Variants in ARHGEF40 observed in about 807,000 individuals in gnomAD.
ARHGEF40 encodes the protein Rho guanine nucleotide exchange factor 40, also known as Rho guanine nucleotide exchange factor (GEF) 40.
In ARHGEF40, 98 loss-of-function variants were observed where a neutral mutation model predicts 165.9. That is an observed-to-expected ratio of 0.59 (90% confidence interval 0.50 to 0.70). The LOEUF (loss-of-function observed/expected upper bound fraction) is 0.70, where lower values mean the gene tolerates loss of function less well. ARHGEF40 is among the 30% of genes least tolerant of loss of function. ARHGEF40 has a pLI of 0.00. For synonymous variants in ARHGEF40, 792 were observed against 814.3 expected (o/e 0.97, Z 0.47); for missense variants, 1,815 against 1,968.0 (o/e 0.92, Z 1.47).
At position 21,076,682 on chromosome 14, in the gene ARHGEF40, G is replaced by C. The variant is rs929482797; in HGVS notation, c.1917+39G>C. On this transcript the variant is annotated intron_variant, in intron 7 of 23. Coordinates refer to ENST00000298694, the MANE Select transcript of ARHGEF40 (RefSeq NM_018071.5). Reference sequence around the variant, plus strand: ...ATTCCCATCTAGTTTCCCATCAGTAGTGGGGAGAGGAGAAGAGGCTGGCTG... The same window carrying C: ...ATTCCCATCTAGTTTCCCATCAGTACTGGGGAGAGGAGAAGAGGCTGGCTG... 4 of 1,508,908 alleles carry C rather than the reference G, an allele frequency of 2.7e-6. No individual in the cohort carries two copies. In the Admixed American group the frequency reaches 5.3e-5, roughly 20 times the overall value. The allele number at this position is 1,508,908 out of a possible 1,614,324, so 93.5% of individuals were successfully genotyped here.
chr14:21,076,720 G>A (rs545554945), intron 7 of ARHGEF40, 54 bp from the exon 8 acceptor site: 7 of 1,609,058 alleles, frequency 4.4e-6, no homozygotes, highest in Non-Finnish European at 6.0e-6. Context: ...GCCCCAGGCT[G>A]GTTTCTGAGT....
Position 21,084,908 on chromosome 14 carries a change from C to G in ARHGEF40, c.3945C>G (p.Tyr1315Ter). Reference sequence around the variant, plus strand: ...AAGGGGGGTCAGAGATGTTTGTTTACAAGCAGGCCTTTAAGGTACGATTCC... The same window carrying G: ...AAGGGGGGTCAGAGATGTTTGTTTAGAAGCAGGCCTTTAAGGTACGATTCC... ...GPEGGSEMFV[Y>*]KQAFKTADMG... Residue 1315 changes from tyrosine to a stop codon, truncating the protein, a stop_gained, in exon 18 of 24, where the codon TAC becomes TAG. Coordinates refer to ENST00000298694, the MANE Select transcript of ARHGEF40 (RefSeq NM_018071.5). LOFTEE classifies it high-confidence loss of function. 2 of 1,613,938 alleles carry G rather than the reference C, an allele frequency of 1.2e-6. No homozygotes were observed. The highest frequency in any genetic ancestry group is 1.7e-6 in the Non-Finnish European group (2 of 1,179,962).
At position 21,082,020 on chromosome 14, in the gene ARHGEF40, C is replaced by G. The variant is rs374673268; in HGVS notation, c.3152C>G (p.Thr1051Arg). Residue 1051 changes from threonine (T) to arginine (R), a missense_variant, in exon 14 of 24, where the codon ACG becomes AGG. Physicochemically the swap from Thr to Arg is moderately conservative, Grantham distance 71. Transcript: ENST00000298694. ...EVTSTEVVDR[T>R]CSPREHVLLG... ...ACCAGCACTGAGGTGGTAGACAGGA[C>G]GTGCTCACCACGGGAACACGTGCTG... 1 of 1,571,018 alleles carries G rather than the reference C, an allele frequency of 6.4e-7. No homozygotes were observed.
At position 21,087,793 on chromosome 14, in the gene ARHGEF40, A is replaced by G. The variant is rs1390919618; in HGVS notation, c.4388-175A>G. 3.5e-6 allele frequency: 3 copies of G among 853,260 alleles called. No homozygotes were observed. In the African/African-American group the frequency reaches 5.1e-5, roughly 14 times the overall value. The allele number at this position is 853,260 out of a possible 1,614,324, so 52.9% of individuals were successfully genotyped here. A position where few individuals can be genotyped will look rare whatever the true frequency, so the allele number is the denominator to read the frequency against. On this transcript the variant is annotated intron_variant, in intron 21 of 23. Coordinates refer to ENST00000298694, the MANE Select transcript of ARHGEF40 (RefSeq NM_018071.5). ...CGCTTCTTCCCTGGTTGCTCTAATG[A>G]TGCTGCTGACAATTTCCTGCCTCTT...
intron 8 of ARHGEF40, among the ~76,000 whole-genome samples, chr14:21,077,944 A>G (rs971301225): frequency 2.0e-5 from 3 of 152,232 alleles, no homozygotes; most frequent in Non-Finnish European, 4.4e-5. Flanking sequence ...AACTGGCATC[A>G]TCTCCTTAAA....
rs1357755971 is a variant in ARHGEF40 at position 21,090,128 on chromosome 14, GAC to G, written c.*1122_*1123del. Reference sequence around the variant, plus strand: ...GGGGACACGACTCTGCAATAGGGATGACAGGAATCGTACCAAAAATAGCGACG... The same window carrying G: ...GGGGACACGACTCTGCAATAGGGATGAGGAATCGTACCAAAAATAGCGACG... On this transcript the variant is annotated 3_prime_UTR_variant, in exon 24 of 24. Transcript: ENST00000298694. The surrounding 1 kb of genome is among the most constrained non-coding windows in gnomAD (Gnocchi z 4.4). 6.7e-6 allele frequency: 3 copies of G among 448,060 alleles called. No individual in the cohort carries two copies. In the East Asian group the frequency reaches 2.0e-4, roughly 29 times the overall value. The allele number at this position is 448,060 out of a possible 1,614,324, so 27.8% of individuals were successfully genotyped here. A position where few individuals can be genotyped will look rare whatever the true frequency, so the allele number is the denominator to read the frequency against.
Position 21,070,449 on chromosome 14 carries a change from C to G in ARHGEF40, c.3+50C>G. On this transcript the variant is annotated intron_variant, in intron 1 of 23. Transcript: ENST00000298694. The surrounding 1 kb of genome is among the most constrained non-coding windows in gnomAD (Gnocchi z 4.7). ...GGGTCCCCTCGGCCTTCGCGCAGCC[C>G]GCTCCGGGCCCCCAAGTCCTCAGCC... 7.4e-7 allele frequency: 1 copy of G among 1,359,950 alleles called. No individual in the cohort carries two copies. Among genetic ancestry groups the G allele is most frequent in the South Asian group, 1.9e-5 (1 of 53,652 alleles). The allele number at this position is 1,359,950 out of a possible 1,614,324, so 84.2% of individuals were successfully genotyped here.
intron 23 of ARHGEF40, 61 bp downstream of exon 23, chr14:21,088,937 C>A: frequency 6.5e-7 from 1 of 1,531,494 alleles, no homozygotes; most frequent in Non-Finnish European, 9.0e-7. Flanking sequence ...CATGTACCTT[C>A]CTTCCTGTCC....
chr14:21,070,692 G>C lies in ARHGEF40; in HGVS notation c.3+293G>C. ...ACCTCCCCGCTCCCCGCCCTCCTCT[G>C]TCCTGACCTGTGCCTTCCTTTCCTG... On this transcript the variant is annotated intron_variant, in intron 1 of 23. Coordinates refer to ENST00000298694, the MANE Select transcript of ARHGEF40 (RefSeq NM_018071.5). This position sits in a 1 kb window ranked among gnomAD's most constrained non-coding sequence, Gnocchi z 4.7. 1 of 1,063,822 alleles carries C rather than the reference G, an allele frequency of 9.4e-7. No homozygotes were observed. The highest frequency in any genetic ancestry group is 1.4e-6 in the Non-Finnish European group (1 of 731,614). The allele number at this position is 1,063,822 out of a possible 1,614,324, so 65.9% of individuals were successfully genotyped here.
upstream of ARHGEF40, among the ~76,000 whole-genome samples, chr14:21,069,957 G>T (rs1429895664): frequency 1.3e-5 from 2 of 152,218 alleles, no homozygotes; most frequent in Non-Finnish European, 2.9e-5. Context: ...ATCCCTTGCC[G>T]AGGCTAAACT....
At position 21,074,979 on chromosome 14, in the gene ARHGEF40, C is replaced by G; in HGVS notation, c.1249C>G (p.Leu417Val). 6.2e-7 allele frequency: 1 copy of G among 1,612,132 alleles called. No homozygotes were observed. The highest frequency in any genetic ancestry group is 8.5e-7 in the Non-Finnish European group (1 of 1,179,442). Reference protein sequence around the residue: ...DASHQEALGNLPSPSEHKLPE... With the variant: ...DASHQEALGNVPSPSEHKLPE... ...CAGCCACCAAGAAGCCCTTGGCAAT[C>G]TGCCCTCACCAAGTGAGCACAAGCT... is the stretch of plus-strand genomic sequence containing the variant. Residue 417 changes from leucine to valine, a missense_variant, in exon 3 of 24, where the codon CTG becomes GTG. Physicochemically the swap from Leu to Val is conservative, Grantham distance 32. Transcript: ENST00000298694. The surrounding 1 kb of genome is among the most constrained non-coding windows in gnomAD (Gnocchi z 4.8).
At chr14:21,085,042 C>A (rs1428897148) in intron 18 of ARHGEF40, 119 bp downstream of exon 18, 4 of 1,306,244 alleles carry the variant, frequency 3.1e-6, no homozygotes, top group Non-Finnish European at 4.2e-6. Flanking sequence ...CTAGAATAGG[C>A]TTTGGCTTGT....
At chr14:21,067,083 A>G (rs1886307275), upstream of ARHGEF40, among the ~76,000 whole-genome samples, 1 of 152,200 alleles carries the variant, frequency 6.6e-6, no homozygotes, top group South Asian at 2.1e-4. Flanking sequence ...AATAGTGAGC[A>G]GCCTAAAACC....
rs777811089 is a variant in ARHGEF40, at chr14:21,082,420, G to A, written c.3428G>A (p.Arg1143Gln). ...AGCTTCCACCGGACACACTTTCTGC[G>A]GGAGCTTCAGGGCTGCGCCACCCAC... ...LRSFHRTHFL[R>Q]ELQGCATHPL... Residue 1143 changes from arginine (R) to glutamine (Q), a missense_variant, in exon 15 of 24, where the codon CGG becomes CAG. Physicochemically the swap from Arg to Gln is conservative, Grantham distance 43. Coordinates refer to ENST00000298694, the MANE Select transcript of ARHGEF40 (RefSeq NM_018071.5). The A allele has an allele frequency of 7.4e-5, 119 of 1,609,924 alleles. 1 individual carries two copies. The Admixed American group carries it at 1.0e-3, about 14-fold the overall frequency.
chr14:21,087,345 C>A lies in ARHGEF40; in HGVS notation c.4269C>A (p.Ala1423=). Residue 1423 remains alanine (A), a synonymous_variant, in exon 21 of 24, where the codon GCC becomes GCA. Transcript: ENST00000298694. ...CCGCCCGCACCCGGGCCTCCGTGGC[C>A]GTGTCATCCTTTGAGCATGCCGGCC... ...GRAARTRASV[A]VSSFEHAGPS... 6.2e-7 allele frequency: 1 copy of A among 1,606,720 alleles called. No homozygotes were observed. Among genetic ancestry groups the A allele is most frequent in the Non-Finnish European group, 8.5e-7 (1 of 1,179,678 alleles).
At chr14:21,068,511 C>G (rs1346464971), upstream of ARHGEF40, among the ~76,000 whole-genome samples, 1 of 152,140 alleles carries the variant, frequency 6.6e-6, no homozygotes, top group Admixed American at 6.5e-5. Context: ...TTCAGACACT[C>G]TCAACACCGA....
chr14:21,077,331 C>CT (rs36049640), intron 8 of ARHGEF40, among the ~76,000 whole-genome samples: 70,605 of 143,166 alleles, frequency 0.49, 17,604 homozygotes, highest in Non-Finnish European at 0.55. Flanking sequence ...GTTGCCCAGG[C>CT]TGGTCTCAAA....
rs903600980 is a variant in ARHGEF40, at chr14:21,081,635, C to T, written c.2767C>T (p.Arg923Trp). ...EPSAGTFQEM[R>W]ALALDLGSPA... is the part of the protein sequence containing the mutation. Reference sequence around the variant, plus strand: ...CAGTGCCGGCACCTTCCAGGAGATGCGGGCCCTGGCCCTGGACCTGGGCAG... The same window carrying T: ...CAGTGCCGGCACCTTCCAGGAGATGTGGGCCCTGGCCCTGGACCTGGGCAG... Residue 923 changes from arginine to tryptophan, a missense_variant, in exon 14 of 24, where the codon CGG (arginine) becomes TGG (tryptophan). Coordinates refer to ENST00000298694, the MANE Select transcript of ARHGEF40 (RefSeq NM_018071.5). 60 of 1,608,832 alleles carry T rather than the reference C, an allele frequency of 3.7e-5. No homozygotes were observed. The highest frequency in any genetic ancestry group is 4.5e-5 in the Non-Finnish European group (53 of 1,178,322).
At chr14:21,080,427 C>G (rs540127882) in intron 11 of ARHGEF40, among the ~76,000 whole-genome samples, 4 of 152,302 alleles carry the variant, frequency 2.6e-5, no homozygotes, top group South Asian at 4.2e-4. Flanking sequence ...CTCAGTGCTT[C>G]CCATCAGCCC....
Sources: allele counts gnomAD v4.1 joint callset (sites outside exome capture counted in the v4.1 genomes callset), GRCh38; gene constraint gnomAD v4.1.1; non-coding constraint Gnocchi (gnomAD v3.1); transcripts MANE v1.5; gene names NCBI Gene and HGNC (gene_info 2026-07-23, HGNC 2026-07-21).